COLEC12: variants seen among roughly 807,000 people sequenced by gnomAD.
COLEC12 encodes collectin-12.
Under a neutral mutation model 71.1 loss-of-function variants are expected in COLEC12, and 33 were observed. The ratio of observed to expected loss-of-function variants is 0.46; its 90% confidence interval spans 0.35 to 0.62. The LOEUF is 0.62. COLEC12 is among the 20% of genes least tolerant of loss of function. COLEC12 has a pLI of 0.00. For synonymous variants in COLEC12, 350 were observed against 353.0 expected (o/e 0.99, Z 0.10); for missense variants, 765 against 916.1 (o/e 0.84, Z 2.13).
intron 2 of COLEC12, among the ~76,000 whole-genome samples, chr18:401,092 T>G (rs1320338401): frequency 6.6e-6 from 1 of 152,168 alleles, no homozygotes; most frequent in East Asian, 1.9e-4. Context: ...ACCAATCTCA[T>G]AACAGCATGA....
intron 5 of COLEC12, among the ~76,000 whole-genome samples, chr18:336,593 T>C (rs1316830956): frequency 6.6e-6 from 1 of 152,192 alleles, no homozygotes; most frequent in African/African-American, 2.4e-5. Flanking sequence ...TGACCTTGCC[T>C]GTGCGGTAGA....
intron 2 of COLEC12, among the ~76,000 whole-genome samples, chr18:395,895 G>A (rs953329636): frequency 3.1e-4 from 47 of 152,104 alleles, no homozygotes; most frequent in African/African-American, 1.1e-3. Context: ...CGCAGCGTGC[G>A]TCTGACTCAT....
At chr18:411,179 C>T (rs1296680265) in intron 2 of COLEC12, among the ~76,000 whole-genome samples, 1 of 152,208 alleles carries the variant, frequency 6.6e-6, no homozygotes, top group Non-Finnish European at 1.5e-5. Context: ...TGGACTTCTG[C>T]ATCCACCTAA....
intron 1 of COLEC12, among the ~76,000 whole-genome samples, chr18:492,874 G>T (rs11081154): frequency 0.21 from 32,363 of 152,012 alleles, 3,958 homozygotes; most frequent in East Asian, 0.37. Flanking sequence ...CTCTGAATTT[G>T]GTTTCCTCTC....
chr18:434,939 C>T (rs1188226026), intron 2 of COLEC12, among the ~76,000 whole-genome samples: 2 of 152,200 alleles, frequency 1.3e-5, no homozygotes, highest in African/African-American at 2.4e-5. Flanking sequence ...TGCCCCACCT[C>T]GAGGCCATGC....
intron 2 of COLEC12, among the ~76,000 whole-genome samples, chr18:377,683 G>C (rs1200358523): frequency 1.3e-5 from 2 of 152,238 alleles, no homozygotes; most frequent in African/African-American, 4.8e-5. Context: ...ATTGCTGGCA[G>C]CTTTGAAGAC....
At chr18:387,441 C>T (rs182725156) in intron 2 of COLEC12, among the ~76,000 whole-genome samples, 42 of 151,958 alleles carry the variant, frequency 2.8e-4, no homozygotes, top group Admixed American at 1.6e-3. Context: ...AAAAATTAAA[C>T]GAAAATCATA....
intron 8 of COLEC12, among the ~76,000 whole-genome samples, chr18:331,321 A>T (rs1913975121): frequency 6.6e-6 from 1 of 152,220 alleles, no homozygotes; most frequent in Admixed American, 6.5e-5. Context: ...AACGCTGAAC[A>T]TGCCTGAGGT....
At chr18:381,832 A>C (rs9959369) in intron 2 of COLEC12, among the ~76,000 whole-genome samples, 62,202 of 152,014 alleles carry the variant, frequency 0.41, 13,768 homozygotes, top group East Asian at 0.58. Context: ...GCATGGAGAT[A>C]TATCCCTATG....
chr18:417,930 C>T (rs563651715), intron 2 of COLEC12, among the ~76,000 whole-genome samples: 3 of 152,272 alleles, frequency 2.0e-5, no homozygotes, highest in South Asian at 2.1e-4. Context: ...ATTCAGTCCT[C>T]GGAGGCCTCC....
intron 2 of COLEC12, among the ~76,000 whole-genome samples, chr18:377,244 C>T (rs1046579541): frequency 6.6e-6 from 1 of 152,208 alleles, no homozygotes; most frequent in African/African-American, 2.4e-5. Context: ...GCTCAGCAAG[C>T]GGCTGAAACC....
intron 2 of COLEC12, among the ~76,000 whole-genome samples, chr18:373,652 G>A (rs916985306): frequency 4.6e-5 from 7 of 152,148 alleles, no homozygotes; most frequent in Non-Finnish European, 1.0e-4. Flanking sequence ...AAGAATCCCC[G>A]TAAGGGCTTA....
chr18:361,822 A>T (rs1375719930), intron 2 of COLEC12, among the ~76,000 whole-genome samples: 1 of 151,966 alleles, frequency 6.6e-6, no homozygotes, highest in African/African-American at 2.4e-5. Context: ...ACTGGGTGGC[A>T]CTCCCATGGC....
chr18:467,761 T>C (rs1302833447), intron 2 of COLEC12, among the ~76,000 whole-genome samples: 3 of 152,080 alleles, frequency 2.0e-5, no homozygotes, highest in Non-Finnish European at 4.4e-5. Flanking sequence ...TCAATACTCA[T>C]AGAGTTATAC....
rs1915607082 is a variant in COLEC12, at chr18:398,067, AC to A, written c.59-40546del. On this transcript the variant is annotated intron_variant, in intron 2 of 9. Coordinates refer to ENST00000400256, the MANE Select transcript of COLEC12 (RefSeq NM_130386.3). ...CCTAACTTTCTATGTTACCAAAAAA[AC>A]ACAAAAAAACAGCAAAAAGCAGAAC... Among the ~76,000 whole-genome samples the A allele has an allele frequency of 2.3e-3, 5 of 2,178 alleles. No individual in the cohort carries two copies. The Non-Finnish European group carries it at 0.038, about 17-fold the overall frequency. 1.4% of individuals were successfully genotyped at this position (2,178 alleles called of 152,430 possible). A position where few individuals can be genotyped will look rare whatever the true frequency, so the allele number is the denominator to read the frequency against.
At chr18:381,858 A>G (rs979775576) in intron 2 of COLEC12, among the ~76,000 whole-genome samples, 1 of 152,110 alleles carries the variant, frequency 6.6e-6, no homozygotes, top group African/African-American at 2.4e-5. Context: ...CATAGTTTCA[A>G]GTAAAATAAA....
rs1555611774 is a variant in COLEC12, at chr18:319,341, A to AATATATAT, written c.*696_*703dup. The AATATATAT allele has an allele frequency of 3.0e-5, 2 of 67,178 alleles. No individual in the cohort carries two copies. The highest frequency in any genetic ancestry group is 4.1e-4 in the East Asian group (1 of 2,438). 4.2% of individuals were successfully genotyped at this position (67,178 alleles called of 1,614,324 possible). On this transcript the variant is annotated 3_prime_UTR_variant, in exon 10 of 10. Transcript: ENST00000400256. ...AACATTAAAAAAAAAAAAAAAAAAA[A>AATATATAT]ATATATATATATATATATATATACA...
chr18:369,685 G>C (rs145861303), intron 2 of COLEC12, among the ~76,000 whole-genome samples: 3 of 152,106 alleles, frequency 2.0e-5, no homozygotes, highest in Non-Finnish European at 4.4e-5. Flanking sequence ...TCTCTGTGGC[G>C]TGATTATAAT....
chr18:494,036 T>C (rs1010584612), intron 1 of COLEC12, among the ~76,000 whole-genome samples: 3 of 152,206 alleles, frequency 2.0e-5, no homozygotes, highest in Admixed American at 1.3e-4. Flanking sequence ...TACACATATT[T>C]ATCAATTTTC....
Sources: allele counts gnomAD v4.1 joint callset (sites outside exome capture counted in the v4.1 genomes callset), GRCh38; gene constraint gnomAD v4.1.1; transcripts MANE v1.5; gene names NCBI Gene and HGNC (gene_info 2026-07-23, HGNC 2026-07-21).